FHOD3: variants seen among roughly 807,000 people sequenced by gnomAD.
The protein encoded by FHOD3 is formin homology 2 domain containing 3.
Under a neutral mutation model 173.0 loss-of-function variants are expected in FHOD3, and 90 were observed. That is an observed-to-expected ratio of 0.52 (90% CI 0.44 to 0.62). FHOD3 has a LOEUF of 0.62. FHOD3 is among the 20% of genes least tolerant of loss of function. The probability of loss-of-function intolerance (pLI) is 0.00; values close to 1 mark genes in which losing one functional copy is unlikely to be tolerated. For synonymous variants in FHOD3, 828 were observed against 823.0 expected, an observed-to-expected ratio of 1.01 and a Z score of -0.10; for missense variants, 1,945 against 2,034.7, an observed-to-expected ratio of 0.96 and a Z score of 0.85.
At chr18:36,759,282 G>C (rs566991659) in intron 26 of FHOD3, 141 bp downstream of exon 26, 2 of 925,442 alleles carry the variant, frequency 2.2e-6, no homozygotes, top group Middle Eastern at 4.6e-4. Context: ...GTTGGTTTTC[G>C]TGTGATCACT....
intron 15 of FHOD3, among the ~76,000 whole-genome samples, chr18:36,686,253 C>G (rs1053222253): frequency 4.6e-5 from 7 of 151,930 alleles, no homozygotes; most frequent in African/African-American, 1.7e-4. Flanking sequence ...TACATATACA[C>G]CATGGAATAC....
intron 24 of FHOD3, among the ~76,000 whole-genome samples, chr18:36,748,806 G>A (rs1259621927): frequency 1.3e-5 from 2 of 152,166 alleles, no homozygotes; most frequent in Non-Finnish European, 2.9e-5. Context: ...TAGCTGGAGC[G>A]CTGTATGTAG....
intron 15 of FHOD3, among the ~76,000 whole-genome samples, chr18:36,684,505 T>A (rs538811793): frequency 2.4e-4 from 36 of 150,492 alleles, no homozygotes; most frequent in South Asian, 6.3e-4. Flanking sequence ...AAAAAAAAAA[T>A]AAAAGATATA....
intron 21 of FHOD3, among the ~76,000 whole-genome samples, chr18:36,741,526 T>C (rs887005134): frequency 6.6e-6 from 1 of 151,956 alleles, no homozygotes. Context: ...TCCCAGCACT[T>C]TGGGAGGCTG....
chr18:36,522,130 C>T (rs1225526678), intron 5 of FHOD3, among the ~76,000 whole-genome samples: 1 of 152,184 alleles, frequency 6.6e-6, no homozygotes, highest in East Asian at 1.9e-4. Flanking sequence ...TAATTCCCTG[C>T]ACCATATTAG....
intron 3 of FHOD3, among the ~76,000 whole-genome samples, chr18:36,381,995 C>T (rs551550908): frequency 1.3e-5 from 2 of 152,316 alleles, no homozygotes; most frequent in South Asian, 4.2e-4. Context: ...TGGAATCACA[C>T]TGTGCATGTT....
intron 14 of FHOD3, among the ~76,000 whole-genome samples, chr18:36,678,548 AGAAG>A (rs1162700602): frequency 1.8e-3 from 235 of 133,032 alleles, no homozygotes; most frequent in African/African-American, 5.6e-3. Flanking sequence ...AAAAAAAAAA[AGAAG>A]AAAGAAAGAA....
intron 5 of FHOD3, among the ~76,000 whole-genome samples, chr18:36,520,865 A>G (rs2056238940): frequency 6.6e-6 from 1 of 152,190 alleles, no homozygotes; most frequent in Admixed American, 6.5e-5. Context: ...TTTCCACTTT[A>G]TTCATACCAA....
intron 5 of FHOD3, among the ~76,000 whole-genome samples, chr18:36,544,998 C>T (rs984178836): frequency 6.6e-6 from 1 of 152,274 alleles, no homozygotes; most frequent in Admixed American, 6.5e-5. Context: ...ATACTGACTA[C>T]CTGGTGTTGG....
chr18:36,542,827 T>C (rs1189168280), intron 5 of FHOD3, among the ~76,000 whole-genome samples: 2 of 152,136 alleles, frequency 1.3e-5, no homozygotes, highest in Non-Finnish European at 2.9e-5. Context: ...CCTAATATAT[T>C]TGGAAGCACA....
chr18:36,332,576 C>T (rs1007887460), intron 1 of FHOD3, among the ~76,000 whole-genome samples: 6 of 152,242 alleles, frequency 3.9e-5, no homozygotes, highest in African/African-American at 1.4e-4. Context: ...GCATTCTCTT[C>T]AACCCAATGC....
At chr18:36,463,684 T>C (rs966252010) in intron 3 of FHOD3, among the ~76,000 whole-genome samples, 4 of 151,910 alleles carry the variant, frequency 2.6e-5, no homozygotes, top group Non-Finnish European at 4.4e-5. Context: ...TCTGTAGAGA[T>C]AGGGTTTCAC....
chr18:36,519,576 C>G (rs1318417792), intron 5 of FHOD3, among the ~76,000 whole-genome samples: 1 of 152,190 alleles, frequency 6.6e-6, no homozygotes, highest in African/African-American at 2.4e-5. Context: ...TGATGGCTGT[C>G]AGCCCCCAGC....
intron 19 of FHOD3, among the ~76,000 whole-genome samples, chr18:36,721,448 C>T (rs888287622): frequency 1.3e-5 from 2 of 152,150 alleles, no homozygotes; most frequent in African/African-American, 4.8e-5. Flanking sequence ...TGAGACCAGC[C>T]TGGACAACAT....
chr18:36,377,803 C>T (rs2047522766), intron 3 of FHOD3, among the ~76,000 whole-genome samples: 1 of 152,180 alleles, frequency 6.6e-6, no homozygotes, highest in Non-Finnish European at 1.5e-5. Flanking sequence ...CACCCCCATC[C>T]CATCCCCTGG....
intron 1 of FHOD3, among the ~76,000 whole-genome samples, chr18:36,309,640 A>T (rs1222805551): frequency 6.6e-6 from 1 of 152,136 alleles, no homozygotes; most frequent in East Asian, 1.9e-4. Context: ...CAGTGCCCGG[A>T]AGTGAGAGAG....
At chr18:36,745,602 T>A (rs1055266339) in intron 23 of FHOD3, among the ~76,000 whole-genome samples, 2 of 152,070 alleles carry the variant, frequency 1.3e-5, no homozygotes, top group Non-Finnish European at 2.9e-5. Flanking sequence ...CTCCAGCAAG[T>A]CCCCTGTGGG....
chr18:36,375,571 C>T (rs2047400391), intron 3 of FHOD3, among the ~76,000 whole-genome samples: 1 of 152,228 alleles, frequency 6.6e-6, no homozygotes, highest in South Asian at 2.1e-4. Context: ...GAATCCAGGA[C>T]TGCATGTTAA....
At chr18:36,592,161 G>C (rs1285619007) in intron 6 of FHOD3, among the ~76,000 whole-genome samples, 1 of 152,224 alleles carries the variant, frequency 6.6e-6, no homozygotes, top group Non-Finnish European at 1.5e-5. Flanking sequence ...GGAGGTTGCA[G>C]TGAGCTGAGA....
Sources: gnomAD v4.1 joint callset for allele counts (sites outside exome capture counted in the v4.1 genomes callset) on GRCh38, gnomAD v4.1.1 for gene constraint, MANE v1.5 for transcripts, NCBI Gene and HGNC (gene_info 2026-07-23, HGNC 2026-07-21) for gene names.